NFATC2: variants seen among roughly 807,000 people sequenced by gnomAD.
The protein encoded by NFATC2 is nuclear factor of activated T cells 2.
In NFATC2, 22 loss-of-function variants were observed where a neutral mutation model predicts 87.3. The observed-to-expected ratio is 0.25, with a 90% CI of 0.18 to 0.36. The LOEUF (loss-of-function observed/expected upper bound fraction) is 0.36. Among genes scored for constraint, NFATC2 ranks in the 10% least tolerant of loss-of-function variants. The pLI is 1.00. For missense variants in NFATC2, 1,149 were observed against 1,259.1 expected, an observed-to-expected ratio of 0.91 and a Z score of 1.32; for synonymous variants, 565 against 542.2, an observed-to-expected ratio of 1.04 and a Z score of -0.58.
At position 51,530,637 on chromosome 20, in the gene NFATC2, A is replaced by G. The variant is rs929695233; in HGVS notation, c.131-6527T>C. ...GTACCAAAGGGAGGAAGAAGATAGA[A>G]GCAGGGATGGGGGATTCAGAGGTTG... is the stretch of plus-strand genomic sequence containing the variant. On this transcript the variant is annotated intron_variant, in intron 1 of 10. Coordinates refer to ENST00000371564, the MANE Select transcript of NFATC2 (RefSeq NM_012340.5). Among the ~76,000 whole-genome samples the G allele has an allele frequency of 7.9e-5, 12 of 152,354 alleles. 1 individual carries two copies. In the East Asian group the frequency reaches 1.7e-3, roughly 22 times the overall value.
intron 1 of NFATC2, among the ~76,000 whole-genome samples, chr20:51,558,367 C>T (rs1047522321): frequency 1.1e-4 from 16 of 151,922 alleles, no homozygotes; most frequent in African/African-American, 2.4e-5. Context: ...AAAACTTGAC[C>T]GGCTTCTTCC....
intron 1 of NFATC2, among the ~76,000 whole-genome samples, chr20:51,538,064 T>C (rs199735718): frequency 6.6e-6 from 1 of 152,264 alleles, no homozygotes; most frequent in East Asian, 1.9e-4. Context: ...ATCACAGCTT[T>C]AGAGACCAGG....
Position 51,388,506 on chromosome 20 carries a change from G to A in NFATC2, c.*2990C>T, listed in dbSNP as rs1408615345. 7 of 151,004 alleles carry A rather than the reference G, an allele frequency of 4.6e-5. No homozygotes were observed. The highest frequency in any genetic ancestry group is 1.3e-4 in the Admixed American group (2 of 15,190). The allele number at this position is 151,004 out of a possible 1,614,324, so 9.4% of individuals were successfully genotyped here. The stretch of plus-strand genomic sequence containing the variant: ...TTCAAGAATACATCATTTCTCTTAA[G>A]AAAAAAAAATCAACCTATGTGTAAA... On this transcript the variant is annotated 3_prime_UTR_variant, in exon 11 of 11. Coordinates refer to ENST00000371564, the MANE Select transcript of NFATC2 (RefSeq NM_012340.5).
intron 6 of NFATC2, among the ~76,000 whole-genome samples, chr20:51,449,255 G>A (rs1393561590): frequency 6.6e-6 from 1 of 152,154 alleles, no homozygotes; most frequent in Non-Finnish European, 1.5e-5. Context: ...AAAAGAAGTT[G>A]AGCAACAGGG....
chr20:51,413,028 C>G (rs1215864166), intron 9 of NFATC2, among the ~76,000 whole-genome samples: 1 of 139,256 alleles, frequency 7.2e-6, no homozygotes, highest in Non-Finnish European at 1.6e-5. Flanking sequence ...CACATGGAGC[C>G]GAGTACAGTG....
intron 6 of NFATC2, among the ~76,000 whole-genome samples, chr20:51,443,067 T>A (rs1984584121): frequency 6.6e-6 from 1 of 152,198 alleles, no homozygotes; most frequent in South Asian, 2.1e-4. Flanking sequence ...CACCTGCCTA[T>A]CTCCAGGCCT....
chr20:51,414,486 C>T (rs539399385), intron 9 of NFATC2, among the ~76,000 whole-genome samples: 4 of 151,678 alleles, frequency 2.6e-5, no homozygotes, highest in Admixed American at 1.3e-4. Flanking sequence ...GTCAGGAGTT[C>T]GAGACCAGCC....
intron 9 of NFATC2, among the ~76,000 whole-genome samples, chr20:51,410,636 G>A (rs762699805): frequency 9.2e-5 from 14 of 152,108 alleles, no homozygotes; most frequent in Non-Finnish European, 2.1e-4. Context: ...AGGCAGTGGG[G>A]AAGGGATTAT....
chr20:51,405,417 G>A (rs559739975), intron 9 of NFATC2, among the ~76,000 whole-genome samples: 21 of 113,652 alleles, frequency 1.8e-4, no homozygotes, highest in Middle Eastern at 3.9e-3. Flanking sequence ...GTGTGCAGGC[G>A]CCATGACCTC....
At position 51,536,407 on chromosome 20, in the gene NFATC2, T is replaced by G. The variant is rs6091335; in HGVS notation, c.130+5963A>C. On this transcript the variant is annotated intron_variant, in intron 1 of 10. Transcript: ENST00000371564. Reference sequence around the variant, plus strand: ...TACCAATGCAAACTCTCAGCAAAGTTACCTTACCCCCAAGAACCTGATCTC... The same window carrying G: ...TACCAATGCAAACTCTCAGCAAAGTGACCTTACCCCCAAGAACCTGATCTC... Among the ~76,000 whole-genome samples, 592 of 152,252 alleles carry G rather than the reference T, an allele frequency of 3.9e-3. 5 individuals carry two copies. The highest frequency in any genetic ancestry group is 0.013 in the African/African-American group (557 of 41,540).
chr20:51,478,560 G>C (rs551313785), intron 3 of NFATC2, among the ~76,000 whole-genome samples: 1 of 152,258 alleles, frequency 6.6e-6, no homozygotes, highest in African/African-American at 2.4e-5. Flanking sequence ...TGGCACACCT[G>C]CCCAAGCCAC....
chr20:51,538,897 C>T (rs954959540), intron 1 of NFATC2, among the ~76,000 whole-genome samples: 1 of 152,138 alleles, frequency 6.6e-6, no homozygotes, highest in Non-Finnish European at 1.5e-5. Flanking sequence ...TTTTCAATTC[C>T]AGCCCTGCCA....
At chr20:51,475,809 A>T in intron 3 of NFATC2, 149 bp from the exon 4 acceptor site, 1 of 754,372 alleles carries the variant, frequency 1.3e-6, no homozygotes, top group Admixed American at 2.8e-5. Context: ...AACAACCTTG[A>T]TGTCCAGCCA....
At chr20:51,405,360 T>C (rs1016770254) in intron 9 of NFATC2, among the ~76,000 whole-genome samples, 2 of 152,186 alleles carry the variant, frequency 1.3e-5, no homozygotes, top group African/African-American at 4.8e-5. Context: ...CTCAGGAAGA[T>C]GTGAGGCAGG....
At chr20:51,423,952 T>C (rs1194109956) in intron 9 of NFATC2, among the ~76,000 whole-genome samples, 2 of 152,196 alleles carry the variant, frequency 1.3e-5, no homozygotes, top group Non-Finnish European at 2.9e-5. Context: ...GGCTGGAACG[T>C]AGCTCTCTTA....
At chr20:51,505,981 A>C (rs1820483302) in intron 3 of NFATC2, among the ~76,000 whole-genome samples, 1 of 152,206 alleles carries the variant, frequency 6.6e-6, no homozygotes, top group South Asian at 2.1e-4. Flanking sequence ...CTCTCATCGC[A>C]GGCAGGGCCC....
At chr20:51,398,975 CAG>C (rs1462950417) in intron 9 of NFATC2, 1 of 436,558 alleles carries the variant, frequency 2.3e-6, no homozygotes, top group African/African-American at 2.0e-5. Flanking sequence ...GGTGTGGGAT[CAG>C]GGGAGCGTGT....
At chr20:51,495,121 A>G (rs2075966410) in intron 3 of NFATC2, among the ~76,000 whole-genome samples, 1 of 152,102 alleles carries the variant, frequency 6.6e-6, no homozygotes, top group African/African-American at 2.4e-5. Flanking sequence ...CTTCCCACTC[A>G]TCACCCAGGC....
At chr20:51,399,003 G>C (rs6021178) in intron 9 of NFATC2, 27,020 of 346,618 alleles carry the variant, frequency 0.078, 1,190 homozygotes, top group African/African-American at 0.12. Context: ...GTGGACAAAA[G>C]GGCTGCTGTG....
Sources: allele counts gnomAD v4.1 joint callset (sites outside exome capture counted in the v4.1 genomes callset), GRCh38; gene constraint gnomAD v4.1.1; transcripts MANE v1.5; gene names NCBI Gene and HGNC (gene_info 2026-07-23, HGNC 2026-07-21).